The following SPICE1 variants were observed in gnomAD, a reference collection of about 807,000 sequenced individuals.
SPICE1 encodes spindle and centriole-associated protein 1.
A neutral mutation model predicts 102.7 loss-of-function variants in SPICE1; 75 were observed. The ratio of observed to expected loss-of-function variants is 0.73; its 90% CI spans 0.61 to 0.88. SPICE1 has a LOEUF of 0.88. SPICE1 is among the 40% of genes least tolerant of loss of function. The pLI, the probability that SPICE1 is intolerant of heterozygous loss-of-function variation, is 0.00. For synonymous variants in SPICE1, 308 were observed against 350.3 expected, an observed-to-expected ratio of 0.88 and a Z score of 1.35; for missense variants, 979 against 1,020.1, an observed-to-expected ratio of 0.96 and a Z score of 0.55.
chr3:113,468,686 A>G (rs1264113958), intron 9 of SPICE1, 76 bp downstream of exon 9: 3 of 1,484,122 alleles, frequency 2.0e-6, no homozygotes, highest in Non-Finnish European at 1.8e-6. Context: ...AGGGAGAAAA[A>G]CATTGACTAA....
chr3:113,514,959 G>A lies in SPICE1; in HGVS notation c.-63C>T. 1.1e-6 allele frequency: 1 copy of A among 869,576 alleles called. No individual in the cohort carries two copies. The highest frequency in any genetic ancestry group is 1.5e-6 in the Non-Finnish European group (1 of 658,718). 53.9% of individuals were successfully genotyped at this position (869,576 alleles called of 1,614,324 possible). On this transcript the variant is annotated 5_prime_UTR_variant, in exon 1 of 18. Coordinates refer to ENST00000295872, the MANE Select transcript of SPICE1 (RefSeq NM_144718.4). Reference sequence around the variant, plus strand: ...TGAAGTAAGGATTCCCCAACCGGGCGCCTGGATCCCAGGCAACAGACAGAT... The same window carrying A: ...TGAAGTAAGGATTCCCCAACCGGGCACCTGGATCCCAGGCAACAGACAGAT...
At position 113,453,492 on chromosome 3, in the gene SPICE1, G is replaced by A; in HGVS notation, c.2116C>T (p.Gln706Ter). The change falls in exon 14 of 18, where the codon CAA (glutamine) becomes TAA (stop). Residue 706 changes from glutamine to a stop codon, truncating the protein, a stop_gained. Coordinates refer to ENST00000295872, the MANE Select transcript of SPICE1 (RefSeq NM_144718.4). LOFTEE classifies it high-confidence loss of function. ...GAAGTCATGTCACTTGCACTTTCTT[G>A]TTTGTTCAACTCCCGGAGTCCATCC... The part of the protein sequence containing the change: ...QGDGLRELNK[Q>*]ESASDMTSTF... The A allele has an allele frequency of 6.2e-7, 1 of 1,609,922 alleles. No homozygotes were observed. Among genetic ancestry groups the A allele is most frequent in the Non-Finnish European group, 8.5e-7 (1 of 1,177,064 alleles).
intron 1 of SPICE1, among the ~76,000 whole-genome samples, chr3:113,507,766 C>G (rs924364837): frequency 6.6e-6 from 1 of 152,100 alleles, no homozygotes; most frequent in Non-Finnish European, 1.5e-5. Context: ...TTACTATAAG[C>G]CAGATGCTAT....
At chr3:113,497,737 A>G (rs1936926297) in intron 4 of SPICE1, among the ~76,000 whole-genome samples, 1 of 132,036 alleles carries the variant, frequency 7.6e-6, no homozygotes, top group African/African-American at 2.9e-5. Context: ...TTTGAGACAG[A>G]GTCTCACTCT....
At chr3:113,496,327 T>C (rs1409593066) in intron 4 of SPICE1, among the ~76,000 whole-genome samples, 2 of 152,158 alleles carry the variant, frequency 1.3e-5, no homozygotes, top group Non-Finnish European at 2.9e-5. Context: ...AGCCTAACTC[T>C]ATCTATTACT....
Position 113,515,111 on chromosome 3 carries a change from G to A in SPICE1, c.-215C>T. 6.0e-6 allele frequency: 1 copy of A among 166,648 alleles called. No homozygotes were observed. The highest frequency in any genetic ancestry group is 1.2e-4 in the South Asian group (1 of 8,174). The allele number at this position is 166,648 out of a possible 1,614,324, so 10.3% of individuals were successfully genotyped here. A position where few individuals can be genotyped will look rare whatever the true frequency, so the allele number is the denominator to read the frequency against. ...GTCGGTCCCGACTGCCGCCGCCACCGCAGCTAAAACTTCAGGCGCCGGAAC... is the reference window on the plus strand; with the variant it reads ...GTCGGTCCCGACTGCCGCCGCCACCACAGCTAAAACTTCAGGCGCCGGAAC... On this transcript the variant is annotated 5_prime_UTR_variant, in exon 1 of 18. Transcript: ENST00000295872.
intron 6 of SPICE1, among the ~76,000 whole-genome samples, chr3:113,491,612 G>A (rs150586888): frequency 0.031 from 3,452 of 111,946 alleles, 57 homozygotes; most frequent in Middle Eastern, 0.096. Context: ...GCGACAGAGC[G>A]AGACTCCGTC....
At chr3:113,472,067 A>G (rs1420027045) in intron 7 of SPICE1, among the ~76,000 whole-genome samples, 1 of 152,236 alleles carries the variant, frequency 6.6e-6, no homozygotes, top group Non-Finnish European at 1.5e-5. Context: ...GGCACCTGGA[A>G]AATTGGGTCA....
Position 113,469,234 on chromosome 3 carries a change from G to A in SPICE1, c.616C>T (p.Leu206Phe). The A allele has an allele frequency of 1.3e-6, 2 of 1,556,700 alleles. No homozygotes were observed. Among genetic ancestry groups the A allele is most frequent in the South Asian group, 1.3e-5 (1 of 79,380 alleles). ...AAATTCTCTTCTGTTAGTTGTTGGA[G>A]AAACCTATAAATTACAGGACAATAA... ...SQSNTNTDRF[L>F]QQLTEENFEL... The change falls in exon 8 of 18, where the codon CTC becomes TTC. Residue 206 changes from leucine (L) to phenylalanine (F), a missense_variant. Transcript: ENST00000295872.
intron 12 of SPICE1, 174 bp downstream of exon 12, chr3:113,460,443 T>C (rs940596935): frequency 1.0e-6 from 1 of 982,906 alleles, no homozygotes; most frequent in African/African-American, 1.7e-5. Context: ...GTATCTGGCA[T>C]AGAGCATGCA....
At chr3:113,469,300 A>G in intron 7 of SPICE1, 62 bp from the exon 8 acceptor site, 1 of 681,192 alleles carries the variant, frequency 1.5e-6, no homozygotes. Context: ...TAATATAAAT[A>G]TAAATTAAAT....
intron 7 of SPICE1, among the ~76,000 whole-genome samples, chr3:113,476,188 C>G (rs1250121359): frequency 1.2e-4 from 18 of 149,814 alleles, no homozygotes; most frequent in South Asian, 6.3e-4. Flanking sequence ...TTCACAATTG[C>G]TTCAAAGAGA....
At chr3:113,508,790 G>A (rs6438161) in intron 1 of SPICE1, among the ~76,000 whole-genome samples, 31,723 of 152,068 alleles carry the variant, frequency 0.21, 3,573 homozygotes, top group African/African-American at 0.29. Flanking sequence ...ATACGTCCAC[G>A]TAAAAACTTG....
chr3:113,449,944 G>T (rs2107442049), intron 15 of SPICE1: 1 of 162,940 alleles, frequency 6.1e-6, no homozygotes, highest in Non-Finnish European at 1.3e-5. Context: ...TTAATTGAGT[G>T]AAAATGTTTT....
Position 113,468,856 on chromosome 3 carries a change from C to G in SPICE1, c.795G>C (p.Arg265Ser). Residue 265 changes from arginine to serine, a missense_variant, in exon 9 of 18, where the codon AGG becomes AGC. Arg to Ser is a moderately radical substitution (Grantham distance 110). Coordinates refer to ENST00000295872, the MANE Select transcript of SPICE1 (RefSeq NM_144718.4). ...TCTCAGTAGATTCTTCAGGCTGAAGCCTGGTTTGGAGTCTCTTGACAGCAT... is the reference window on the plus strand; with the variant it reads ...TCTCAGTAGATTCTTCAGGCTGAAGGCTGGTTTGGAGTCTCTTGACAGCAT... The part of the protein sequence containing the change: ...ATNAVKRLQT[R>S]LQPEESTETL... The G allele has an allele frequency of 6.2e-7, 1 of 1,614,096 alleles. No individual in the cohort carries two copies. The highest frequency in any genetic ancestry group is 8.5e-7 in the Non-Finnish European group (1 of 1,180,002).
At chr3:113,510,844 G>A (rs565022169) in intron 1 of SPICE1, among the ~76,000 whole-genome samples, 33 of 152,106 alleles carry the variant, frequency 2.2e-4, no homozygotes, top group Non-Finnish European at 4.0e-4. Flanking sequence ...TACAAAATGA[G>A]AGAAAAATTT....
chr3:113,508,027 C>T (rs9877649), intron 1 of SPICE1, among the ~76,000 whole-genome samples: 38,241 of 151,878 alleles, frequency 0.25, 5,165 homozygotes, highest in African/African-American at 0.35. Flanking sequence ...GACAATTCAA[C>T]GGGGAAAGAA....
At chr3:113,447,631 G>C (rs76916753) in intron 16 of SPICE1, among the ~76,000 whole-genome samples, 1,803 of 152,222 alleles carry the variant, frequency 0.012, 24 homozygotes, top group Non-Finnish European at 0.02. Context: ...AGAAAGGCCA[G>C]GTATGTCCTT....
intron 13 of SPICE1, 22 bp from the exon 14 acceptor site, chr3:113,453,972 T>C (rs1935722435): frequency 6.4e-7 from 1 of 1,551,620 alleles, no homozygotes; most frequent in Non-Finnish European, 8.7e-7. Flanking sequence ...AATTTAAAAA[T>C]AACAAATATG....
Sources: allele counts gnomAD v4.1 joint callset (sites outside exome capture counted in the v4.1 genomes callset), GRCh38; gene constraint gnomAD v4.1.1; transcripts MANE v1.5; gene names NCBI Gene and HGNC (gene_info 2026-07-23, HGNC 2026-07-21).